The following CHI3L2 variants were observed in gnomAD, a reference collection of about 807,000 sequenced individuals.
The protein encoded by CHI3L2 is chitinase 3 like 2, also known as chitinase-3-like protein 2.
CHI3L2 carries 47 observed loss-of-function variants against 47.3 expected under a neutral mutation model. The observed-to-expected ratio is 0.99, with a 90% CI of 0.79 to 1.27. CHI3L2 has a LOEUF of 1.27. CHI3L2 is among the 50% of genes most tolerant of loss of function. The pLI, the probability that CHI3L2 is intolerant of heterozygous loss-of-function variation, is 0.00. For synonymous variants in CHI3L2, 198 were observed against 169.9 expected (o/e 1.17, Z -1.28); for missense variants, 497 against 462.1 (o/e 1.08, Z -0.69).
At position 111,230,886 on chromosome 1, in the gene CHI3L2, T is replaced by C. The variant is rs779780550; in HGVS notation, c.215T>C (p.Ile72Thr). 5.0e-6 allele frequency: 8 copies of C among 1,614,012 alleles called. No individual in the cohort carries two copies. The highest frequency in any genetic ancestry group is 1.6e-4 in the Middle Eastern group (1 of 6,084). Reference sequence around the variant, plus strand: ...GCCAGCATCGAAAACAACAAGGTTATCATCAAGGACAAGAGTGAAGTGATG... The same window carrying C: ...GCCAGCATCGAAAACAACAAGGTTACCATCAAGGACAAGAGTGAAGTGATG... ...SFASIENNKV[I>T]IKDKSEVMLY... Residue 72 changes from isoleucine (I) to threonine (T), a missense_variant, in exon 3 of 11, where the codon ATC becomes ACC. Ile to Thr is a moderately conservative substitution (Grantham distance 89). Transcript: ENST00000369748.
rs554959100 is a variant in CHI3L2, at chr1:111,231,464, C to A, written c.329+170C>A. On this transcript the variant is annotated intron_variant, in intron 4 of 10. Coordinates refer to ENST00000369748, the MANE Select transcript of CHI3L2 (RefSeq NM_004000.3). ...TAAGCAGAGGAACAGCATTAGGTTT[C>A]CTGGGGTCTTTGAAGGAATTCTTCT... 4.0e-5 allele frequency: 23 copies of A among 573,348 alleles called. No homozygotes were observed. In the South Asian group the frequency reaches 4.6e-4, roughly 11 times the overall value. The allele number at this position is 573,348 out of a possible 1,614,324, so 35.5% of individuals were successfully genotyped here.
intron 4 of CHI3L2, among the ~76,000 whole-genome samples, chr1:111,233,473 A>G (rs1244830505): frequency 6.6e-6 from 1 of 152,224 alleles, no homozygotes; most frequent in African/African-American, 2.4e-5. Context: ...ACTTGAATCT[A>G]GTTCTCCTGA....
Position 111,234,987 on chromosome 1 carries a change from T to G in CHI3L2, c.410T>G (p.Phe137Cys), listed in dbSNP as rs1036680599. ...SIILFLRNHN[F>C]DGLDVSWIYP... ...ATCCTGTTTCTGAGGAACCATAACT[T>G]TGATGGACTGGATGTAAGCTGGATC... The change falls in exon 5 of 11, where the codon TTT becomes TGT. Residue 137 changes from phenylalanine (F) to cysteine (C), a missense_variant. Physicochemically the swap from Phe to Cys is radical, Grantham distance 205. Transcript: ENST00000369748. The G allele has an allele frequency of 1.9e-6, 3 of 1,614,154 alleles. No homozygotes were observed. The African/African-American group carries it at 4.0e-5, about 22-fold the overall frequency.
chr1:111,236,042 C>T lies in CHI3L2; in HGVS notation c.624C>T (p.Asn208=), dbSNP rs751984330. ...ACTTTAGAGATCTGGATTTCATCAA[C>T]CTCCTGTCCTTTGACTTCCATGGGT... ...EKLAKDLDFI[N]LLSFDFHGSW... is the part of the protein sequence containing the mutation. Residue 208 remains asparagine, a synonymous_variant, in exon 7 of 11, where the codon AAC becomes AAT. Transcript: ENST00000369748. 16 of 1,614,092 alleles carry T rather than the reference C, an allele frequency of 9.9e-6. No homozygotes were observed. The South Asian group carries it at 1.5e-4, about 16-fold the overall frequency.
In CHI3L2 at chr1:111,229,188, T is replaced by C. The variant is rs1056111468; in HGVS notation, c.41-664T>C. Among the ~76,000 whole-genome samples the C allele has an allele frequency of 4.6e-5, 7 of 152,340 alleles. No individual in the cohort carries two copies. In the East Asian group the frequency reaches 9.6e-4, roughly 21 times the overall value. On this transcript the variant is annotated intron_variant, in intron 1 of 10. Coordinates refer to ENST00000369748, the MANE Select transcript of CHI3L2 (RefSeq NM_004000.3). Reference sequence around the variant, plus strand: ...CTATATTCAACTCCAGACTGGACTATGAGCTCCTTGAGTGCAGGGAAGGCA... The same window carrying C: ...CTATATTCAACTCCAGACTGGACTACGAGCTCCTTGAGTGCAGGGAAGGCA...
At chr1:111,232,912 C>T (rs887616031) in intron 4 of CHI3L2, among the ~76,000 whole-genome samples, 2 of 152,128 alleles carry the variant, frequency 1.3e-5, no homozygotes, top group African/African-American at 4.8e-5. Context: ...GATATCAGGC[C>T]AGTTTCTTGC....
chr1:111,231,262 G>A lies in CHI3L2; in HGVS notation c.297G>A (p.Leu99=), dbSNP rs143582132. ...KTKNPKLKIL[L]SIGGYLFGSK... ...GGAATCCCAAACTGAAAATTCTCTT[G>A]TCCATTGGAGGGTACCTGTTTGGTT... The change falls in exon 4 of 11, where the codon TTG becomes TTA. Residue 99 remains leucine, a synonymous_variant. Transcript: ENST00000369748. 35 of 1,611,554 alleles carry A rather than the reference G, an allele frequency of 2.2e-5. No homozygotes were observed. In the African/African-American group the frequency reaches 4.4e-4, roughly 20 times the overall value.
At position 111,231,307 on chromosome 1, in the gene CHI3L2, C is replaced by G. The variant is rs886083866; in HGVS notation, c.329+13C>G. On this transcript the variant is annotated intron_variant, in intron 4 of 10. Coordinates refer to ENST00000369748, the MANE Select transcript of CHI3L2 (RefSeq NM_004000.3). ...TTGGTTCCAAAGGGTAAGACTACAT[C>G]TTTATTTTTTGTTCATTTCCCCATG... The G allele has an allele frequency of 3.2e-5, 51 of 1,586,436 alleles. No individual in the cohort carries two copies. Among genetic ancestry groups the G allele is most frequent in the Non-Finnish European group, 3.7e-5 (43 of 1,160,034 alleles).
chr1:111,234,201 A>AG (rs1659810844), intron 4 of CHI3L2, among the ~76,000 whole-genome samples: 1 of 151,888 alleles, frequency 6.6e-6, no homozygotes, highest in African/African-American at 2.4e-5. Context: ...AAAAAAAAAA[A>AG]AAAGAAAGAA....
upstream of CHI3L2, chr1:111,227,662 A>G (rs1462837483): frequency 1.2e-5 from 17 of 1,466,280 alleles, no homozygotes; most frequent in Non-Finnish European, 1.6e-5. Context: ...CGTGTAGGAC[A>G]GGCTGTCGAA....
chr1:111,240,889 T>A (rs1359562844), intron 8 of CHI3L2, among the ~76,000 whole-genome samples: 2 of 152,234 alleles, frequency 1.3e-5, no homozygotes, highest in Non-Finnish European at 2.9e-5. Context: ...ATGGTCATGA[T>A]AATACTTCAC....
At chr1:111,230,062 CT>C (rs1016856107) in intron 2 of CHI3L2, among the ~76,000 whole-genome samples, 181 bp downstream of exon 2, 2 of 151,982 alleles carry the variant, frequency 1.3e-5, no homozygotes, top group African/African-American at 4.8e-5. Context: ...TGTTCTAGTT[CT>C]TTTTGAGCCA....
intron 7 of CHI3L2, among the ~76,000 whole-genome samples, chr1:111,238,301 CAG>C (rs1659941274): frequency 6.6e-6 from 1 of 152,190 alleles, no homozygotes; most frequent in South Asian, 2.1e-4. Flanking sequence ...AAATATTTTA[CAG>C]AGTTTGACTC....
intron 7 of CHI3L2, among the ~76,000 whole-genome samples, chr1:111,236,424 A>G (rs1023795906): frequency 6.6e-6 from 1 of 152,040 alleles, no homozygotes; most frequent in Non-Finnish European, 1.5e-5. Context: ...TCTTCTCTGG[A>G]TTCTCCATCT....
chr1:111,234,839 G>GA, intron 4 of CHI3L2, 68 bp from the exon 5 acceptor site: 1 of 1,478,034 alleles, frequency 6.8e-7, no homozygotes. Flanking sequence ...GGATTTCTGT[G>GA]AAAAATGTGT....
At chr1:111,232,908 A>G (rs1207076464) in intron 4 of CHI3L2, among the ~76,000 whole-genome samples, 1 of 152,214 alleles carries the variant, frequency 6.6e-6, no homozygotes, top group African/African-American at 2.4e-5. Context: ...TTCTGATATC[A>G]GGCCAGTTTC....
At position 111,236,256 on chromosome 1, in the gene CHI3L2, A is replaced by G. The variant is rs1571228401; in HGVS notation, c.735+103A>G. On this transcript the variant is annotated intron_variant, in intron 7 of 10. Transcript: ENST00000369748. ...TTCTGTCTTGAACTGAGGAAGAGCT[A>G]TGAGCCCAAGAGGGAATTGGGTAGC... The G allele has an allele frequency of 1.5e-5, 20 of 1,303,600 alleles. No individual in the cohort carries two copies. The East Asian group carries it at 4.7e-4, about 30-fold the overall frequency. The allele number at this position is 1,303,600 out of a possible 1,614,324, so 80.8% of individuals were successfully genotyped here. A position where few individuals can be genotyped will look rare whatever the true frequency, so the allele number is the denominator to read the frequency against.
At chr1:111,239,310 G>A (rs2101555772) in intron 8 of CHI3L2, 1 of 181,164 alleles carries the variant, frequency 5.5e-6, no homozygotes. Context: ...CTGCTCATGA[G>A]ATCAGTTTTG....
At position 111,243,268 on chromosome 1, in the gene CHI3L2, C is replaced by G. The variant is rs1356100171; in HGVS notation, c.*54C>G. 4.4e-6 allele frequency: 2 copies of G among 456,066 alleles called. No individual in the cohort carries two copies. The highest frequency in any genetic ancestry group is 2.3e-5 in the Admixed American group (1 of 42,574). 28.3% of individuals were successfully genotyped at this position (456,066 alleles called of 1,614,324 possible). A position where few individuals can be genotyped will look rare whatever the true frequency, so the allele number is the denominator to read the frequency against. ...ATGACCTTGCTGCCTGGGGCCTGCT[C>G]TCTCCCAGGAATTCTCATGTGGGAT... is the stretch of plus-strand genomic sequence containing the variant. On this transcript the variant is annotated 3_prime_UTR_variant, in exon 11 of 11. Coordinates refer to ENST00000369748, the MANE Select transcript of CHI3L2 (RefSeq NM_004000.3).
Sources: allele counts gnomAD v4.1 joint callset (sites outside exome capture counted in the v4.1 genomes callset), GRCh38; gene constraint gnomAD v4.1.1; transcripts MANE v1.5; gene names NCBI Gene and HGNC (gene_info 2026-07-23, HGNC 2026-07-21).